The following PDZD9 variants were observed in gnomAD, a reference collection of about 807,000 sequenced individuals.
PDZD9 encodes PDZ domain containing 9.
A neutral mutation model predicts 16.3 loss-of-function variants in PDZD9; 13 were observed. The ratio of observed to expected loss-of-function variants is 0.80; its 90% CI spans 0.52 to 1.27. The LOEUF (loss-of-function observed/expected upper bound fraction) is 1.27. Among genes scored for constraint, PDZD9 ranks in the 50% most tolerant of loss-of-function variants. The pLI, the probability that PDZD9 is intolerant of heterozygous loss-of-function variation, is 0.00. For missense variants in PDZD9, 288 were observed against 310.9 expected, an observed-to-expected ratio of 0.93 and a Z score of 0.55; for synonymous variants, 120 against 111.0, an observed-to-expected ratio of 1.08 and a Z score of -0.51.
Position 21,984,119 on chromosome 16 carries a change from A to G in PDZD9, c.*148T>C. ...AAGTCTTTAGATAATCCTGTTGAAGAACATCTCTAAAGGCTTTATAACGCA... is the reference window on the plus strand; with the variant it reads ...AAGTCTTTAGATAATCCTGTTGAAGGACATCTCTAAAGGCTTTATAACGCA... On this transcript the variant is annotated 3_prime_UTR_variant, in exon 4 of 4. Transcript: ENST00000424898. 1.2e-6 allele frequency: 1 copy of G among 810,156 alleles called. No individual in the cohort carries two copies. The highest frequency in any genetic ancestry group is 1.8e-6 in the Non-Finnish European group (1 of 541,890). The allele number at this position is 810,156 out of a possible 1,614,324, so 50.2% of individuals were successfully genotyped here. A position where few individuals can be genotyped will look rare whatever the true frequency, so the allele number is the denominator to read the frequency against.
chr16:21,969,839 C>T, the PDZD9 span, among the ~76,000 whole-genome samples: 3 of 151,912 alleles, frequency 2.0e-5, no homozygotes, highest in African/African-American at 4.8e-5. Flanking sequence ...TCATCTTCCC[C>T]CTGCCTGTGG....
chr16:21,964,737 G>A, the PDZD9 span, among the ~76,000 whole-genome samples: 1 of 152,098 alleles, frequency 6.6e-6, no homozygotes, highest in South Asian at 2.1e-4. Context: ...ACACACTGCC[G>A]ACATTGCACC....
chr16:21,976,064 A>G, the PDZD9 span: 1 of 731,958 alleles, frequency 1.4e-6, no homozygotes, highest in Non-Finnish European at 2.4e-6. Flanking sequence ...TTTGTCTGGA[A>G]CTAACCTTCC....
chr16:21,984,382 T>G lies in PDZD9; in HGVS notation c.680A>C (p.Lys227Thr). The change falls in exon 4 of 4, where the codon AAG becomes ACG. Residue 227 changes from lysine to threonine, a missense_variant. Lys to Thr is a moderately conservative substitution (Grantham distance 78). Transcript: ENST00000424898. ...GGAGGAAGAGCTTTCATTGTCTTGC[T>G]TCACCATTATCCAGTATGGAGAAGG... is the stretch of plus-strand genomic sequence containing the variant. ...RAPSPYWIMV[K>T]QDNESSSSST... is the part of the protein sequence containing the mutation. The G allele has an allele frequency of 6.2e-7, 1 of 1,614,194 alleles. No homozygotes were observed. The highest frequency in any genetic ancestry group is 1.1e-5 in the South Asian group (1 of 91,082).
At chr16:21,976,434 C>CGCCTG in the PDZD9 span, 1 of 487,530 alleles carries the variant, frequency 2.1e-6, no homozygotes, top group Non-Finnish European at 3.6e-6. Flanking sequence ...CAGTGGCTCA[C>CGCCTG]TAATCCCAGC....
At chr16:21,996,712 T>C (rs1304738392) in intron 1 of PDZD9, among the ~76,000 whole-genome samples, 1 of 152,210 alleles carries the variant, frequency 6.6e-6, no homozygotes, top group Non-Finnish European at 1.5e-5. Context: ...GAGTCTGGCA[T>C]ATTGTGAGTG....
At chr16:21,974,339 A>C in the PDZD9 span, among the ~76,000 whole-genome samples, 1 of 152,228 alleles carries the variant, frequency 6.6e-6, no homozygotes, top group African/African-American at 2.4e-5. Context: ...GAATGATTGT[A>C]GGAAAAGAAA....
the PDZD9 span, chr16:21,958,416 G>T: frequency 1.2e-6 from 1 of 845,012 alleles, no homozygotes; most frequent in Non-Finnish European, 1.9e-6. Flanking sequence ...AACTAAAAAG[G>T]ATGCAGGAAT....
chr16:21,958,912 T>C, the PDZD9 span, among the ~76,000 whole-genome samples: 1 of 152,238 alleles, frequency 6.6e-6, no homozygotes, highest in African/African-American at 2.4e-5. Context: ...TCCCAGTGCA[T>C]ATAAAAGTTA....
chr16:21,963,989 T>C, the PDZD9 span, among the ~76,000 whole-genome samples: 1 of 152,180 alleles, frequency 6.6e-6, no homozygotes, highest in East Asian at 1.9e-4. Context: ...CAAGTACAAC[T>C]GGTAATACAA....
At position 21,984,198 on chromosome 16, in the gene PDZD9, A is replaced by G; in HGVS notation, c.*69T>C. On this transcript the variant is annotated 3_prime_UTR_variant, in exon 4 of 4. Transcript: ENST00000424898. ...ACAGACAGTCCTTGATAAGTACAGC[A>G]AACTTGTGCCTGGTGAGGCACAAAA... 6.6e-7 allele frequency: 1 copy of G among 1,512,166 alleles called. No homozygotes were observed. Among genetic ancestry groups the G allele is most frequent in the Non-Finnish European group, 8.9e-7 (1 of 1,117,432 alleles). 93.7% of individuals were successfully genotyped at this position (1,512,166 alleles called of 1,614,324 possible).
the PDZD9 span, chr16:21,971,504 T>C: frequency 6.3e-7 from 1 of 1,583,128 alleles, no homozygotes; most frequent in Non-Finnish European, 8.6e-7. Flanking sequence ...TCTAGCTTTG[T>C]TTTTGCTTCT....
the PDZD9 span, chr16:21,968,494 A>T: frequency 1.6e-6 from 1 of 616,756 alleles, no homozygotes; most frequent in Non-Finnish European, 2.6e-6. Flanking sequence ...CACCTCAGTT[A>T]GTACCTTGTA....
At chr16:21,978,885 C>T (rs1309126576), downstream of PDZD9, among the ~76,000 whole-genome samples, 1 of 151,828 alleles carries the variant, frequency 6.6e-6, no homozygotes, top group Non-Finnish European at 1.5e-5. Flanking sequence ...ACAAACAGGC[C>T]CTAAAAGAGG....
rs778939860 is a variant in PDZD9, at chr16:21,984,496, T to C, written c.566A>G (p.Tyr189Cys). 1.6e-5 allele frequency: 25 copies of C among 1,609,730 alleles called. No homozygotes were observed. The Admixed American group carries it at 2.0e-4, about 13-fold the overall frequency. ...ACTAATAGTATGGTTCTTCTTCTTA[T>C]ATCCATGCCAGTCTCTGGAGATGGA... Reference protein sequence around the residue: ...PISISRDWHGYKKKNHTISVG... With the variant: ...PISISRDWHGCKKKNHTISVG... The change falls in exon 4 of 4, where the codon TAT (tyrosine) becomes TGT (cysteine). Residue 189 changes from tyrosine to cysteine, a missense_variant. Coordinates refer to ENST00000424898, the MANE Select transcript of PDZD9 (RefSeq NM_001363519.1).
At chr16:21,985,048 T>C (rs1898842752) in intron 3 of PDZD9, among the ~76,000 whole-genome samples, 2 of 152,164 alleles carry the variant, frequency 1.3e-5, no homozygotes, top group South Asian at 4.1e-4. Context: ...ATTACTGATT[T>C]CCAGAGGAGT....
chr16:21,979,719 T>C (rs1414189621), downstream of PDZD9, among the ~76,000 whole-genome samples: 3 of 150,126 alleles, frequency 2.0e-5, no homozygotes, highest in Non-Finnish European at 4.5e-5. Context: ...TGCACTGCTG[T>C]AGATACTAAA....
the PDZD9 span, chr16:21,976,071 T>G: frequency 3.9e-6 from 3 of 770,726 alleles, no homozygotes; most frequent in Non-Finnish European, 6.7e-6. Context: ...GGAACTAACC[T>G]TCCATCTGTG....
chr16:21,998,296 G>C (rs376365676), intron 1 of PDZD9: 7 of 211,000 alleles, frequency 3.3e-5, no homozygotes, highest in African/African-American at 1.4e-4. Flanking sequence ...GACTCAAAAG[G>C]CTCCTTACAG....
Sources: gnomAD v4.1 joint callset for allele counts (sites outside exome capture counted in the v4.1 genomes callset) on GRCh38, gnomAD v4.1.1 for gene constraint, MANE v1.5 for transcripts, NCBI Gene and HGNC (gene_info 2026-07-23, HGNC 2026-07-21) for gene names.